The following UBE2E2 variants were observed in gnomAD, a reference collection of about 807,000 sequenced individuals.
The protein encoded by UBE2E2 is ubiquitin conjugating enzyme E2 E2.
Under a neutral mutation model 24.7 loss-of-function variants are expected in UBE2E2, and 6 were observed. That is an observed-to-expected ratio of 0.24 (90% CI 0.13 to 0.48). UBE2E2 has a LOEUF of 0.48. Among genes scored for constraint, UBE2E2 ranks in the 20% least tolerant of loss-of-function variants. UBE2E2 has a pLI of 0.99. For missense variants in UBE2E2, 169 were observed against 245.0 expected (o/e 0.69, Z 2.07); for synonymous variants, 104 against 83.6 (o/e 1.24, Z -1.33).
chr3:23,535,275 G>A (rs1487307144), intron 5 of UBE2E2, among the ~76,000 whole-genome samples: 1 of 152,234 alleles, frequency 6.6e-6, no homozygotes, highest in African/African-American at 2.4e-5. Context: ...AAATGGTAAT[G>A]TGTTGTTGAT....
intron 3 of UBE2E2, among the ~76,000 whole-genome samples, chr3:23,436,753 A>G (rs908702871): frequency 2.0e-5 from 3 of 152,164 alleles, no homozygotes; most frequent in Non-Finnish European, 4.4e-5. Context: ...CCCCCTCTGC[A>G]GCCATGAAAC....
intron 3 of UBE2E2, among the ~76,000 whole-genome samples, chr3:23,400,913 T>C (rs979045910): frequency 1.3e-5 from 2 of 152,136 alleles, no homozygotes; most frequent in Non-Finnish European, 2.9e-5. Context: ...TTCAATGAGT[T>C]TATGTTTGAG....
chr3:23,297,522 A>G (rs1003789878), intron 3 of UBE2E2, among the ~76,000 whole-genome samples: 1 of 152,150 alleles, frequency 6.6e-6, no homozygotes, highest in Admixed American at 6.5e-5. Context: ...TCAGCTTTCT[A>G]CCTATGGGTA....
At chr3:23,305,151 C>A (rs1462611341) in intron 3 of UBE2E2, among the ~76,000 whole-genome samples, 1 of 152,140 alleles carries the variant, frequency 6.6e-6, no homozygotes, top group East Asian at 1.9e-4. Context: ...CAAGTACTGT[C>A]ATTTTTTCCC....
At chr3:23,353,633 A>G (rs1575581087) in intron 3 of UBE2E2, among the ~76,000 whole-genome samples, 1 of 152,186 alleles carries the variant, frequency 6.6e-6, no homozygotes, top group South Asian at 2.1e-4. Context: ...ACTCCCATTC[A>G]CAGTTGCTTC....
chr3:23,256,788 G>A (rs997840389), intron 3 of UBE2E2, among the ~76,000 whole-genome samples: 8 of 152,032 alleles, frequency 5.3e-5, no homozygotes, highest in African/African-American at 9.7e-5. Flanking sequence ...GCCTGCATGC[G>A]TCCTTGCTCT....
intron 3 of UBE2E2, among the ~76,000 whole-genome samples, chr3:23,400,448 G>T (rs1258136518): frequency 2.6e-5 from 4 of 152,118 alleles, no homozygotes; most frequent in Non-Finnish European, 5.9e-5. Context: ...GGGACTACAG[G>T]TGCATGCCAC....
chr3:23,206,852 C>A (rs940574917), intron 1 of UBE2E2, among the ~76,000 whole-genome samples: 1 of 152,032 alleles, frequency 6.6e-6, no homozygotes, highest in South Asian at 2.1e-4. Flanking sequence ...AAAAATTTTG[C>A]TTTATTTGAG....
At chr3:23,575,993 C>T (rs1192365539) in intron 5 of UBE2E2, among the ~76,000 whole-genome samples, 1 of 152,090 alleles carries the variant, frequency 6.6e-6, no homozygotes, top group Admixed American at 6.6e-5. Context: ...TGCAGAATGT[C>T]TGTGCGATTT....
At chr3:23,493,229 G>T (rs147465637) in intron 3 of UBE2E2, among the ~76,000 whole-genome samples, 79 of 152,318 alleles carry the variant, frequency 5.2e-4, no homozygotes, top group African/African-American at 1.8e-3. Context: ...TGGCACAGCA[G>T]ATTGAAAGTA....
rs1018072676 is a variant in UBE2E2 at position 23,353,552 on chromosome 3, A to T, written c.227+136240A>T. Among the ~76,000 whole-genome samples, 1,398 of 152,316 alleles carry T rather than the reference A, an allele frequency of 9.2e-3. 18 individuals are homozygous for T. Among genetic ancestry groups the T allele is most frequent in the African/African-American group, 0.031 (1,278 of 41,562 alleles). On this transcript the variant is annotated intron_variant, in intron 3 of 5. Coordinates refer to ENST00000396703, the MANE Select transcript of UBE2E2 (RefSeq NM_152653.4). ...CTTCAGCAAAGTCTCAGGATACAAA[A>T]TCAATGTACAAAAATCACAAGCATT...
At chr3:23,205,896 A>G (rs760756499) in intron 1 of UBE2E2, among the ~76,000 whole-genome samples, 1 of 152,208 alleles carries the variant, frequency 6.6e-6, no homozygotes, top group Non-Finnish European at 1.5e-5. Context: ...AAGTAATTAT[A>G]TAACTATGGC....
intron 4 of UBE2E2, among the ~76,000 whole-genome samples, chr3:23,521,897 C>A (rs910316856): frequency 6.6e-6 from 1 of 150,820 alleles, no homozygotes; most frequent in Non-Finnish European, 1.5e-5. Flanking sequence ...TACCCCCCAC[C>A]CCCCCAGCAC....
chr3:23,475,007 A>C (rs537370387), intron 3 of UBE2E2, among the ~76,000 whole-genome samples: 15 of 152,182 alleles, frequency 9.9e-5, no homozygotes, highest in Admixed American at 9.8e-4. Context: ...AAGTGATAGA[A>C]CTTTCTCCAT....
chr3:23,521,469 T>A (rs182538702), intron 4 of UBE2E2, among the ~76,000 whole-genome samples: 29 of 152,386 alleles, frequency 1.9e-4, no homozygotes, highest in Middle Eastern at 3.4e-3. Flanking sequence ...TAAGAGATGT[T>A]GGTCCTTTGG....
intron 3 of UBE2E2, among the ~76,000 whole-genome samples, chr3:23,242,139 A>T (rs1171504543): frequency 6.6e-6 from 1 of 151,112 alleles, no homozygotes; most frequent in East Asian, 1.9e-4. Flanking sequence ...TGGTCTTGAA[A>T]CTCATGACCT....
In UBE2E2 at chr3:23,456,810, A is replaced by G. The variant is rs759240678; in HGVS notation, c.228-42798A>G. ...CATTGGCTTCAACTTAAATGTCACC[A>G]TCTGCATTAGCCCCTAACAAGAGGG... On this transcript the variant is annotated intron_variant, in intron 3 of 5. Coordinates refer to ENST00000396703, the MANE Select transcript of UBE2E2 (RefSeq NM_152653.4). Among the ~76,000 whole-genome samples, 4 of 152,218 alleles carry G rather than the reference A, an allele frequency of 2.6e-5. No homozygotes were observed. The South Asian group carries it at 8.3e-4, about 32-fold the overall frequency.
chr3:23,335,126 A>G (rs1273755905), intron 3 of UBE2E2, among the ~76,000 whole-genome samples: 2 of 152,118 alleles, frequency 1.3e-5, no homozygotes, highest in East Asian at 3.9e-4. Flanking sequence ...TGTGCTTTCA[A>G]ATGGGTTATT....
intron 3 of UBE2E2, among the ~76,000 whole-genome samples, chr3:23,404,216 T>G (rs908836284): frequency 2.0e-5 from 3 of 152,160 alleles, no homozygotes; most frequent in African/African-American, 7.2e-5. Context: ...ATTCTGCTTG[T>G]TGGAATATCA....
Sources: allele counts gnomAD v4.1 joint callset (sites outside exome capture counted in the v4.1 genomes callset), GRCh38; gene constraint gnomAD v4.1.1; transcripts MANE v1.5; gene names NCBI Gene and HGNC (gene_info 2026-07-23, HGNC 2026-07-21).